The following WDFY3 variants were observed in gnomAD, a reference collection of about 807,000 sequenced individuals.
WDFY3 encodes WD repeat and FYVE domain containing 3.
Under a neutral mutation model 409.6 loss-of-function variants are expected in WDFY3, and 66 were observed. That is an observed-to-expected ratio of 0.16 (90% confidence interval 0.13 to 0.20). The LOEUF (loss-of-function observed/expected upper bound fraction) is 0.20, where lower values mean the gene tolerates loss of function less well. Ranked by LOEUF, WDFY3 falls within the 10% of genes least tolerant of loss-of-function variation. WDFY3 has a pLI of 1.00. For missense variants in WDFY3, 3,031 were observed against 4,298.1 expected (o/e 0.71, Z 8.24); for synonymous variants, 1,521 against 1,537.1 (o/e 0.99, Z 0.25).
intron 3 of WDFY3, among the ~76,000 whole-genome samples, chr4:84,870,755 G>A (rs989982771): frequency 5.9e-5 from 9 of 151,984 alleles, no homozygotes; most frequent in African/African-American, 2.2e-4. Flanking sequence ...AAGAATAAAG[G>A]AAGCAAAGCC....
rs971862981 is a variant in WDFY3, at chr4:84,756,633, A to T, written c.5424+293T>A. 1.2e-4 allele frequency among the ~76,000 whole-genome samples: 18 copies of T among 151,392 alleles called. 1 individual carries two copies. Among genetic ancestry groups the T allele is most frequent in the Admixed American group, 1.2e-3 (18 of 15,184 alleles). On this transcript the variant is annotated intron_variant, in intron 33 of 67. Transcript: ENST00000295888. ...AATAAAATAAAATAAAATAAAATAAAATAAAATAAATCATATAACAAAAGA... is the reference window on the plus strand; with the variant it reads ...AATAAAATAAAATAAAATAAAATAATATAAAATAAATCATATAACAAAAGA...
chr4:84,917,658 G>A (rs1229437567), intron 2 of WDFY3, among the ~76,000 whole-genome samples: 2 of 151,732 alleles, frequency 1.3e-5, no homozygotes, highest in Admixed American at 1.3e-4. Flanking sequence ...AACTCTTTAT[G>A]TTTTTTACAA....
intron 44 of WDFY3, among the ~76,000 whole-genome samples, chr4:84,730,560 C>T (rs576603836): frequency 6.6e-6 from 1 of 152,236 alleles, no homozygotes; most frequent in East Asian, 1.9e-4. Flanking sequence ...GAAGGGGTTC[C>T]TTAACTACTC....
intron 24 of WDFY3, among the ~76,000 whole-genome samples, chr4:84,785,239 C>A (rs1432791168): frequency 6.6e-6 from 1 of 152,034 alleles, no homozygotes; most frequent in Non-Finnish European, 1.5e-5. Flanking sequence ...ACTGCCCGGG[C>A]CCTCTCTAAT....
rs1482999423 is a variant in WDFY3 at position 84,704,434 on chromosome 4, A to G, written c.8346T>C (p.Pro2782=). The change falls in exon 55 of 68, where the codon CCT becomes CCC. Residue 2782 remains proline (P), a synonymous_variant. Coordinates refer to ENST00000295888, the MANE Select transcript of WDFY3 (RefSeq NM_014991.6). ...AATAGTGGGTCCCATAGTGGTATGC[A>G]GGAGTTTCTCCTGTTTAAGAAAATT... ...KDWEDPNGET[P]AYHYGTHYSS... 1 of 1,603,400 alleles carries G rather than the reference A, an allele frequency of 6.2e-7. No individual in the cohort carries two copies. Among genetic ancestry groups the G allele is most frequent in the Non-Finnish European group, 8.5e-7 (1 of 1,176,344 alleles).
At chr4:84,789,654 C>CAT (rs1748145672) in intron 22 of WDFY3, 72 bp downstream of exon 22, 1 of 1,446,108 alleles carries the variant, frequency 6.9e-7, no homozygotes, top group Non-Finnish European at 9.6e-7. Context: ...CACACACACA[C>CAT]ACACACACAC....
chr4:84,892,279 A>C (rs1342740900), intron 3 of WDFY3, among the ~76,000 whole-genome samples: 2 of 151,820 alleles, frequency 1.3e-5, no homozygotes, highest in African/African-American at 4.8e-5. Flanking sequence ...AGAAATTTAA[A>C]CTTATTCTGA....
intron 2 of WDFY3, among the ~76,000 whole-genome samples, chr4:84,912,259 T>C (rs1218395224): frequency 6.6e-6 from 1 of 152,180 alleles, no homozygotes; most frequent in African/African-American, 2.4e-5. Flanking sequence ...TACCTTAGAT[T>C]GAGGTCTGCA....
intron 63 of WDFY3, chr4:84,682,890 G>A (rs539467225): frequency 2.9e-4 from 45 of 157,774 alleles, no homozygotes; most frequent in Admixed American, 1.1e-3. Context: ...GCTGATGCAG[G>A]AGAATTGCTT....
intron 39 of WDFY3, 105 bp from the exon 40 acceptor site, chr4:84,739,224 T>A: frequency 9.0e-7 from 1 of 1,112,622 alleles, no homozygotes. Context: ...ACTGAATGTC[T>A]ACTCAGCAGA....
chr4:84,719,954 CT>C (rs1734575922), intron 47 of WDFY3, among the ~76,000 whole-genome samples: 1 of 152,168 alleles, frequency 6.6e-6, no homozygotes, highest in Non-Finnish European at 1.5e-5. Flanking sequence ...GTGACTACTT[CT>C]TAGAGGGTAA....
At chr4:84,917,250 A>G (rs1239947072) in intron 2 of WDFY3, among the ~76,000 whole-genome samples, 1 of 152,186 alleles carries the variant, frequency 6.6e-6, no homozygotes, top group East Asian at 1.9e-4. Context: ...AGCCTAAAAG[A>G]GGTCAGGTCT....
chr4:84,688,394 GGTGTCTGGA>G (rs1316034994), intron 61 of WDFY3, 129 bp from the exon 62 acceptor site: 1 of 886,682 alleles, frequency 1.1e-6, no homozygotes, highest in Non-Finnish European at 1.7e-6. Flanking sequence ...CTTGAGCAGT[GGTGTCTGGA>G]GAGTCTGGAA....
At chr4:84,677,772 G>A (rs913611660) in intron 66 of WDFY3, among the ~76,000 whole-genome samples, 1 of 151,814 alleles carries the variant, frequency 6.6e-6, no homozygotes, top group Admixed American at 6.6e-5. Flanking sequence ...AGACCAGCCT[G>A]GGCAACACGG....
intron 64 of WDFY3, 25 bp downstream of exon 64, chr4:84,682,349 G>C (rs1727513362): frequency 1.3e-6 from 2 of 1,590,614 alleles, no homozygotes; most frequent in Non-Finnish European, 8.6e-7. Context: ...AACGATTTGA[G>C]TCATTTTTAG....
In WDFY3 at chr4:84,775,053, A is replaced by T; in HGVS notation, c.4592+12T>A. 2 of 1,613,268 alleles carry T rather than the reference A, an allele frequency of 1.2e-6. No individual in the cohort carries two copies. The highest frequency in any genetic ancestry group is 1.7e-6 in the Non-Finnish European group (2 of 1,179,424). On this transcript the variant is annotated intron_variant, in intron 28 of 67. Transcript: ENST00000295888. ...TAGCTGAATAATTAACTACGTGGGT[A>T]TTAATTAATACCTGGACTCTGTGAG...
At chr4:84,833,171 T>C (rs1756007947) in intron 7 of WDFY3, among the ~76,000 whole-genome samples, 1 of 152,160 alleles carries the variant, frequency 6.6e-6, no homozygotes, top group Admixed American at 6.5e-5. Context: ...AGCCTGCCAC[T>C]TGGGAATTCA....
chr4:84,927,663 C>G (rs1470767343), intron 2 of WDFY3, among the ~76,000 whole-genome samples: 2 of 152,048 alleles, frequency 1.3e-5, no homozygotes, highest in African/African-American at 4.8e-5. Context: ...ATGAGTGAGT[C>G]TCAGGGGATC....
At chr4:84,899,418 T>C (rs1054179707) in intron 2 of WDFY3, among the ~76,000 whole-genome samples, 1 of 152,208 alleles carries the variant, frequency 6.6e-6, no homozygotes, top group Non-Finnish European at 1.5e-5. Flanking sequence ...AAACTAAGTG[T>C]ATTTTAAGTC....
Sources: gnomAD v4.1 joint callset for allele counts (sites outside exome capture counted in the v4.1 genomes callset) on GRCh38, gnomAD v4.1.1 for gene constraint, MANE v1.5 for transcripts, NCBI Gene and HGNC (gene_info 2026-07-23, HGNC 2026-07-21) for gene names.